KLHL13: variants seen among roughly 807,000 people sequenced by gnomAD.
KLHL13 encodes the protein kelch like family member 13.
Under a neutral mutation model 37.1 loss-of-function variants are expected in KLHL13, and 10 were observed. The observed-to-expected ratio is 0.27, with a 90% CI of 0.17 to 0.46. The LOEUF is 0.46. KLHL13 is among the 20% of genes least tolerant of loss of function. KLHL13 has a pLI of 1.00. For synonymous variants in KLHL13, 163 were observed against 181.2 expected (o/e 0.90, Z 0.81); for missense variants, 360 against 509.3 (o/e 0.71, Z 2.82).
At chrX:117,939,134 C>T (rs886144567) in intron 2 of KLHL13, among the ~76,000 whole-genome samples, 3 of 110,239 alleles carry the variant, frequency 2.7e-5, no homozygotes, top group African/African-American at 9.9e-5. Context: ...CGTTCTCCTC[C>T]CTGTGTCCAC....
At chrX:118,028,486 T>C (rs1410933713) in intron 1 of KLHL13, 11 of 1,077,338 alleles carry the variant, frequency 1.0e-5, no homozygotes, top group South Asian at 8.0e-5. Flanking sequence ...CCTCTAAAAG[T>C]TGGATAATGA....
chrX:118,057,573 C>G (rs2054698268), intron 1 of KLHL13, among the ~76,000 whole-genome samples: 1 of 112,030 alleles, frequency 8.9e-6, no homozygotes, highest in Admixed American at 9.4e-5. Flanking sequence ...GTACTCCCAG[C>G]ACTTTGGGAG....
chrX:118,081,888 T>C (rs1016624986), intron 1 of KLHL13, among the ~76,000 whole-genome samples: 5 of 110,288 alleles, frequency 4.5e-5, no homozygotes, highest in African/African-American at 1.3e-4. Flanking sequence ...GTTTTATCCA[T>C]GATACTACAA....
intron 1 of KLHL13, among the ~76,000 whole-genome samples, chrX:118,066,455 G>A (rs899461944): frequency 1.8e-5 from 2 of 111,317 alleles, no homozygotes; most frequent in African/African-American, 6.5e-5. Flanking sequence ...ACAAATAAAA[G>A]TATTCCTAGC....
chrX:118,060,374 C>T (rs2054728467), intron 1 of KLHL13, among the ~76,000 whole-genome samples: 1 of 111,217 alleles, frequency 9.0e-6, no homozygotes, highest in Non-Finnish European at 1.9e-5. Context: ...AGCCCTATGA[C>T]CCGCAAACCT....
chrX:117,899,448 T>C, intron 6 of KLHL13, 53 bp from the exon 8 acceptor site: 1 of 1,032,969 alleles, frequency 9.7e-7, no homozygotes, highest in Non-Finnish European at 1.3e-6. Context: ...AATGCAAAAG[T>C]AATTAAAGGA....
Position 118,051,175 on chromosome X carries a change from G to A in KLHL13, c.-56+65333C>T, listed in dbSNP as rs190601155. Among the ~76,000 whole-genome samples the A allele has an allele frequency of 1.2e-3, 129 of 107,912 alleles. 1 individual carries two copies. Among genetic ancestry groups the A allele is most frequent in the African/African-American group, 4.2e-3 (124 of 29,506 alleles). The allele number at this position is 107,912 out of a possible 115,157, so 93.7% of individuals were successfully genotyped here. A position where few individuals can be genotyped will look rare whatever the true frequency, so the allele number is the denominator to read the frequency against. ...ACTGGAAAAAATACCACCTACCTGA[G>A]AGCAGCAAAGTTTGTAAAAAAAAAA... On this transcript the variant is annotated intron_variant, in intron 1 of 6. Coordinates refer to the KLHL13 transcript ENST00000371882.
intron 1 of KLHL13, among the ~76,000 whole-genome samples, chrX:118,089,171 C>T (rs1744900387): frequency 9.0e-6 from 1 of 111,469 alleles, no homozygotes; most frequent in South Asian, 3.8e-4. Context: ...AGACTTCCAC[C>T]TTCACAATGC....
At chrX:118,013,774 G>C (rs2054096621) in intron 1 of KLHL13, among the ~76,000 whole-genome samples, 1 of 112,485 alleles carries the variant, frequency 8.9e-6, no homozygotes, top group Admixed American at 9.4e-5. Context: ...AGACCGGCTG[G>C]AGCCGAGGCA....
chrX:117,909,997 G>C (rs894437314), exon 5 of KLHL13: 13 of 1,207,704 alleles, frequency 1.1e-5, no homozygotes, highest in Non-Finnish European at 1.3e-5. Context: ...AGCAATGCAG[G>C]AAAATTCTTC....
intron 2 of KLHL13, among the ~76,000 whole-genome samples, chrX:117,944,783 A>T (rs1381033582): frequency 9.0e-6 from 1 of 111,605 alleles, no homozygotes; most frequent in Non-Finnish European, 1.9e-5. Context: ...AGAAGTACTT[A>T]AGCTTCTAAT....
At chrX:118,040,101 G>T (rs1016950535) in intron 1 of KLHL13, among the ~76,000 whole-genome samples, 1 of 111,396 alleles carries the variant, frequency 9.0e-6, no homozygotes, top group Non-Finnish European at 1.9e-5. Flanking sequence ...CAACACCCAT[G>T]TCCCTTTAAA....
Position 117,945,583 on chromosome X carries a change from T to G in KLHL13, c.99-8A>C. ...TCCTCTTCCACGAGAGATCTGAAAG[T>G]TTTTTTACATAAGAAAGAAGGGGAA... On this transcript the variant is annotated splice_region_variant and splice_polypyrimidine_tract_variant and intron_variant, in intron 1 of 6. Coordinates refer to ENST00000262820, the Ensembl canonical transcript of KLHL13. 1 of 1,183,015 alleles carries G rather than the reference T, an allele frequency of 8.5e-7. No individual in the cohort carries two copies. Among genetic ancestry groups the G allele is most frequent in the East Asian group, 3.0e-5 (1 of 33,467 alleles).
At chrX:118,032,890 G>A (rs1188609215) in intron 1 of KLHL13, among the ~76,000 whole-genome samples, 1 of 111,383 alleles carries the variant, frequency 9.0e-6, no homozygotes, top group Non-Finnish European at 1.9e-5. Flanking sequence ...ATAGAGAAGT[G>A]CTTAAAGGAG....
intron 1 of KLHL13, among the ~76,000 whole-genome samples, chrX:118,061,159 CATAA>C (rs1438577895): frequency 6.3e-5 from 7 of 111,716 alleles, no homozygotes; most frequent in Non-Finnish European, 1.3e-4. Flanking sequence ...GTTTTTAAAT[CATAA>C]ATAAAATTTG....
intron 1 of KLHL13, among the ~76,000 whole-genome samples, chrX:118,086,203 T>A (rs1410334932): frequency 8.9e-6 from 1 of 112,202 alleles, no homozygotes; most frequent in Non-Finnish European, 1.9e-5. Flanking sequence ...CCCAAAGTGC[T>A]GGGATTACAG....
intron 1 of KLHL13, among the ~76,000 whole-genome samples, chrX:117,949,782 G>A (rs1378808069): frequency 1.8e-5 from 2 of 112,213 alleles, no homozygotes; most frequent in Admixed American, 9.5e-5. Flanking sequence ...AAATTTCATT[G>A]TCAAGGAAAA....
At chrX:117,982,280 G>T (rs1487986425) in intron 1 of KLHL13, among the ~76,000 whole-genome samples, 1 of 111,216 alleles carries the variant, frequency 9.0e-6, no homozygotes, top group Non-Finnish European at 1.9e-5. Context: ...ACAACTGGGA[G>T]ATGTTATTAA....
intron 1 of KLHL13, among the ~76,000 whole-genome samples, chrX:118,072,797 G>A (rs1183766917): frequency 8.9e-6 from 1 of 111,816 alleles, no homozygotes; most frequent in Non-Finnish European, 1.9e-5. Flanking sequence ...ATATCATGAT[G>A]TCAAATGGAG....
Sources: gnomAD v4.1 joint callset for allele counts (sites outside exome capture counted in the v4.1 genomes callset) on GRCh38, gnomAD v4.1.1 for gene constraint, MANE v1.5 for transcripts, NCBI Gene and HGNC (gene_info 2026-07-23, HGNC 2026-07-21) for gene names.